The following THSD4 variants were observed in gnomAD, a reference collection of about 807,000 sequenced individuals.
THSD4 encodes the protein thrombospondin type-1 domain-containing protein 4.
A neutral mutation model predicts 119.0 loss-of-function variants in THSD4; 69 were observed. The ratio of observed to expected loss-of-function variants is 0.58; its 90% confidence interval spans 0.48 to 0.71. The LOEUF (loss-of-function observed/expected upper bound fraction) is 0.71. Among genes scored for constraint, THSD4 ranks in the 30% least tolerant of loss-of-function variants. The pLI is 0.00. For missense variants in THSD4, 1,393 were observed against 1,391.1 expected (o/e 1.00, Z -0.02); for synonymous variants, 524 against 540.4 (o/e 0.97, Z 0.42).
At chr15:71,239,099 A>T (rs1246404365) in intron 4 of THSD4, among the ~76,000 whole-genome samples, 1 of 152,242 alleles carries the variant, frequency 6.6e-6, no homozygotes, top group African/African-American at 2.4e-5. Context: ...ACATAAAGGC[A>T]AATACTTGTA....
intron 4 of THSD4, among the ~76,000 whole-genome samples, chr15:71,241,450 C>T (rs2044151996): frequency 6.6e-6 from 1 of 152,110 alleles, no homozygotes; most frequent in African/African-American, 2.4e-5. Flanking sequence ...AGGCCCTTAC[C>T]CCGCCCTGCA....
rs79706659 is a variant in THSD4 at position 71,696,788 on chromosome 15, C to T, written c.1358-31761C>T. On this transcript the variant is annotated intron_variant, in intron 8 of 17. Transcript: ENST00000261862. ...AAACTCATGCTTCCTTCCAGCCCAC[C>T]CCACTACAGGGCTTTGAGGCAGGCA... is the stretch of plus-strand genomic sequence containing the variant. Among the ~76,000 whole-genome samples the T allele has an allele frequency of 7.1e-3, 1,075 of 152,244 alleles. 26 individuals carry two copies. Among genetic ancestry groups the T allele is most frequent in the East Asian group, 0.042 (218 of 5,170 alleles).
rs553375782 is a variant in THSD4, at chr15:71,411,881, C to T, written c.1152+58C>T. 6.9e-6 allele frequency: 11 copies of T among 1,600,222 alleles called. 1 individual carries two copies. In the South Asian group the frequency reaches 1.0e-4, roughly 15 times the overall value. ...GGTGTTTGATCTGTGACTGCTGACTCCATTGTTTTCCAGGGAGAGACTAGG... is the reference window on the plus strand; with the variant it reads ...GGTGTTTGATCTGTGACTGCTGACTTCATTGTTTTCCAGGGAGAGACTAGG... On this transcript the variant is annotated intron_variant, in intron 7 of 17. Coordinates refer to ENST00000261862, the MANE Select transcript of THSD4 (RefSeq NM_024817.3).
At chr15:71,322,391 C>CAAA (rs2045280291) in intron 6 of THSD4, among the ~76,000 whole-genome samples, 3 of 152,164 alleles carry the variant, frequency 2.0e-5, no homozygotes, top group Non-Finnish European at 2.9e-5. Flanking sequence ...ATCAGAAAAA[C>CAAA]TTGCTAGGCC....
At chr15:71,172,082 T>A (rs1055759840) in intron 3 of THSD4, 1 of 152,088 alleles carries the variant, frequency 6.6e-6, no homozygotes, top group Non-Finnish European at 1.5e-5. Flanking sequence ...TCCCAGCACT[T>A]TGGGAGTCTG....
chr15:71,742,403 T>A (rs1387899586), intron 11 of THSD4, among the ~76,000 whole-genome samples: 2 of 152,236 alleles, frequency 1.3e-5, no homozygotes, highest in Admixed American at 6.5e-5. Context: ...TTTTTCTTGC[T>A]CTTTATTTTG....
intron 6 of THSD4, among the ~76,000 whole-genome samples, chr15:71,336,177 T>C (rs1238587579): frequency 6.6e-6 from 1 of 152,216 alleles, no homozygotes; most frequent in Non-Finnish European, 1.5e-5. Context: ...TTCTAGAATG[T>C]TTTTAATCAA....
intron 7 of THSD4, among the ~76,000 whole-genome samples, chr15:71,449,488 G>C (rs1270450856): frequency 1.3e-5 from 2 of 152,146 alleles, no homozygotes; most frequent in Non-Finnish European, 2.9e-5. Context: ...ATATGGAGGT[G>C]ATAATAAAAC....
rs369319454 is a variant in THSD4 at position 71,385,773 on chromosome 15, C to G, written c.1016-25914C>G. Among the ~76,000 whole-genome samples, 24 of 152,288 alleles carry G rather than the reference C, an allele frequency of 1.6e-4. No individual in the cohort carries two copies. In the East Asian group the frequency reaches 1.7e-3, roughly 11 times the overall value. Reference sequence around the variant, plus strand: ...GAGTATGCAAATATGGAGGCTTTCTCAAATCACGTTTCGTTTAATTTAACA... The same window carrying G: ...GAGTATGCAAATATGGAGGCTTTCTGAAATCACGTTTCGTTTAATTTAACA... On this transcript the variant is annotated intron_variant, in intron 6 of 17. Transcript: ENST00000261862.
intron 7 of THSD4, among the ~76,000 whole-genome samples, chr15:71,594,113 G>T (rs779072899): frequency 6.6e-6 from 1 of 151,934 alleles, no homozygotes; most frequent in Non-Finnish European, 1.5e-5. Flanking sequence ...GCCTTTTCCT[G>T]CCCGGTCCCT....
intron 7 of THSD4, among the ~76,000 whole-genome samples, chr15:71,650,017 T>C (rs1388519442): frequency 6.6e-6 from 1 of 152,160 alleles, no homozygotes; most frequent in African/African-American, 2.4e-5. Flanking sequence ...CTACTTAATA[T>C]AGAGGGTGGC....
chr15:71,141,521 C>T lies in THSD4; in HGVS notation c.-7C>T. ...GAGCCCTTGCTTTTGCCTGGACCCC[C>T]AGCATCATGGTTTCCCATTTCATGG... is the stretch of plus-strand genomic sequence containing the variant. On this transcript the variant is annotated 5_prime_UTR_variant, in exon 2 of 18. Coordinates refer to ENST00000261862, the MANE Select transcript of THSD4 (RefSeq NM_024817.3). 1.2e-6 allele frequency: 2 copies of T among 1,609,148 alleles called. No individual in the cohort carries two copies. Among genetic ancestry groups the T allele is most frequent in the Non-Finnish European group, 8.5e-7 (1 of 1,177,906 alleles).
chr15:71,366,579 C>T (rs2045968614), intron 6 of THSD4, among the ~76,000 whole-genome samples: 1 of 152,140 alleles, frequency 6.6e-6, no homozygotes, highest in Non-Finnish European at 1.5e-5. Flanking sequence ...GGCTGTTTTT[C>T]CCAATGGCCC....
intron 7 of THSD4, among the ~76,000 whole-genome samples, chr15:71,558,108 A>C (rs2049048980): frequency 6.6e-6 from 1 of 152,146 alleles, no homozygotes; most frequent in Non-Finnish European, 1.5e-5. Context: ...TGGGCAGATC[A>C]CTTGAGGTCA....
At chr15:71,428,848 C>G (rs1273341175) in intron 7 of THSD4, among the ~76,000 whole-genome samples, 1 of 152,142 alleles carries the variant, frequency 6.6e-6, no homozygotes, top group African/African-American at 2.4e-5. Context: ...ATATTATCTT[C>G]CCCCTCTTTT....
Position 71,664,144 on chromosome 15 carries a change from G to A in THSD4, c.1357+3410G>A, listed in dbSNP as rs372873735. ...ACTACAGGCGCTCACCACCATACCCGGCTAATTTTTTGTATTTTTAGTAGA... is the reference window on the plus strand; with the variant it reads ...ACTACAGGCGCTCACCACCATACCCAGCTAATTTTTTGTATTTTTAGTAGA... On this transcript the variant is annotated intron_variant, in intron 8 of 17. Transcript: ENST00000261862. Among the ~76,000 whole-genome samples the A allele has an allele frequency of 8.6e-5, 13 of 151,786 alleles. No individual in the cohort carries two copies. In the South Asian group the frequency reaches 1.0e-3, roughly 12 times the overall value.
intron 7 of THSD4, among the ~76,000 whole-genome samples, chr15:71,452,520 CAAAAAAAA>C (rs71281967): frequency 3.8e-5 from 3 of 79,008 alleles, no homozygotes; most frequent in African/African-American, 5.2e-5. Context: ...TCCCCTCCAC[CAAAAAAAA>C]AAAAAAAAAA....
chr15:71,696,643 T>C (rs909799017), intron 8 of THSD4, among the ~76,000 whole-genome samples: 3 of 152,012 alleles, frequency 2.0e-5, no homozygotes, highest in Non-Finnish European at 2.9e-5. Flanking sequence ...CCAAATGATA[T>C]AGATCAAAAA....
chr15:71,600,730 C>CTTTTTTTTTTTTTTTTTTTTTTTT (rs774794883), intron 7 of THSD4, among the ~76,000 whole-genome samples: 1 of 147,576 alleles, frequency 6.8e-6, no homozygotes, highest in African/African-American at 2.6e-5. Flanking sequence ...TCATGCCTGT[C>CTTTTTTTTTTTTTTTTTTTTTTTT]TTTTTTTTTC....
Sources: gnomAD v4.1 joint callset for allele counts (sites outside exome capture counted in the v4.1 genomes callset) on GRCh38, gnomAD v4.1.1 for gene constraint, MANE v1.5 for transcripts, NCBI Gene and HGNC (gene_info 2026-07-23, HGNC 2026-07-21) for gene names.